Variants in CTNNA3 observed in about 807,000 individuals in gnomAD.
CTNNA3 encodes catenin alpha-3.
In CTNNA3, 76 loss-of-function variants were observed where a neutral mutation model predicts 95.7. The ratio of observed to expected loss-of-function variants is 0.79; its 90% CI spans 0.66 to 0.96. The LOEUF is 0.96. Among genes scored for constraint, CTNNA3 ranks in the 40% least tolerant of loss-of-function variants. The probability of loss-of-function intolerance (pLI) is 0.00; values close to 1 mark genes in which losing one functional copy is unlikely to be tolerated. For missense variants in CTNNA3, 1,191 were observed against 1,089.8 expected (o/e 1.09, Z -1.31); for synonymous variants, 431 against 374.4 (o/e 1.15, Z -1.74).
rs373621986 is a variant in CTNNA3, at chr10:66,476,082, A to C, written c.1531+44535T>G. ...TTGCTGGGACATGGATGGAGCTGGA[A>C]GCCATCATCCTTAGTAAACCAAGGC... On this transcript the variant is annotated intron_variant, in intron 11 of 17. Coordinates refer to ENST00000433211, the MANE Select transcript of CTNNA3 (RefSeq NM_013266.4). 3.2e-4 allele frequency among the ~76,000 whole-genome samples: 48 copies of C among 152,250 alleles called. No individual in the cohort carries two copies. In the East Asian group the frequency reaches 8.9e-3, roughly 28 times the overall value.
At chr10:66,963,747 T>A (rs1849249800) in intron 7 of CTNNA3, among the ~76,000 whole-genome samples, 1 of 152,014 alleles carries the variant, frequency 6.6e-6, no homozygotes, top group African/African-American at 2.4e-5. Context: ...GACATTATCA[T>A]CTGAAATGGA....
At chr10:66,879,668 A>G (rs569625575) in intron 7 of CTNNA3, among the ~76,000 whole-genome samples, 1 of 152,114 alleles carries the variant, frequency 6.6e-6, no homozygotes, top group African/African-American at 2.4e-5. Flanking sequence ...TGACACAAAT[A>G]ATAGATAGAA....
At chr10:67,034,830 C>T (rs1200874095) in intron 7 of CTNNA3, among the ~76,000 whole-genome samples, 1 of 152,180 alleles carries the variant, frequency 6.6e-6, no homozygotes, top group Non-Finnish European at 1.5e-5. Context: ...CTACCATTTG[C>T]TTCAGATGCA....
At chr10:66,576,303 C>T (rs2132179610) in intron 10 of CTNNA3, among the ~76,000 whole-genome samples, 1 of 152,120 alleles carries the variant, frequency 6.6e-6, no homozygotes, top group African/African-American at 2.4e-5. Flanking sequence ...AACATCCCAG[C>T]TGGTTTTTTA....
chr10:67,394,285 T>C (rs1461985230), intron 5 of CTNNA3, among the ~76,000 whole-genome samples: 5 of 148,402 alleles, frequency 3.4e-5, no homozygotes, highest in Admixed American at 6.8e-5. Context: ...GGAGCATGAA[T>C]AGAAGAATGA....
chr10:67,172,285 C>T (rs1038661786), intron 7 of CTNNA3, among the ~76,000 whole-genome samples: 3 of 152,200 alleles, frequency 2.0e-5, no homozygotes, highest in African/African-American at 7.2e-5. Context: ...ATTTCACGTA[C>T]TTGTCTGTTT....
intron 7 of CTNNA3, among the ~76,000 whole-genome samples, chr10:66,931,192 T>TAAAAAA (rs3056552): frequency 9.3e-5 from 11 of 118,660 alleles, no homozygotes; most frequent in East Asian, 2.5e-4. Context: ...TGACAACAGT[T>TAAAAAA]AAAAAAAAAA....
intron 6 of CTNNA3, among the ~76,000 whole-genome samples, chr10:67,189,296 G>A (rs1279142105): frequency 1.3e-5 from 2 of 152,132 alleles, no homozygotes; most frequent in Non-Finnish European, 2.9e-5. Flanking sequence ...ACACAGAGTG[G>A]AGTGGTGGTT....
intron 12 of CTNNA3, among the ~76,000 whole-genome samples, chr10:66,360,829 C>CT (rs775094247): frequency 1.4e-4 from 10 of 71,808 alleles, no homozygotes; most frequent in African/African-American, 7.1e-4. Flanking sequence ...TTCTTTCTTT[C>CT]TTTCTTTCTT....
In CTNNA3 at chr10:66,467,584, T is replaced by C. The variant is rs375687430; in HGVS notation, c.1531+53033A>G. ...AGAGAGGAGACCATGCCCAGGTTCT[T>C]AGGGAGAGGCACAAAATAAGGCAAC... On this transcript the variant is annotated intron_variant, in intron 11 of 17. Transcript: ENST00000433211. Among the ~76,000 whole-genome samples, 59 of 152,120 alleles carry C rather than the reference T, an allele frequency of 3.9e-4. 1 individual carries two copies. In the South Asian group the frequency reaches 0.012, roughly 31 times the overall value.
intron 13 of CTNNA3, among the ~76,000 whole-genome samples, chr10:66,134,356 T>G (rs907617968): frequency 6.6e-6 from 1 of 152,164 alleles, no homozygotes; most frequent in Non-Finnish European, 1.5e-5. Flanking sequence ...TTTTCTAAGA[T>G]ACAAATCAAT....
chr10:67,079,716 C>T (rs994058596), intron 7 of CTNNA3, among the ~76,000 whole-genome samples: 4 of 151,920 alleles, frequency 2.6e-5, no homozygotes, highest in Non-Finnish European at 5.9e-5. Context: ...GGCGTGGTGG[C>T]GGGCACCTGT....
chr10:66,571,807 T>C (rs1222760935), intron 10 of CTNNA3, among the ~76,000 whole-genome samples: 2 of 152,090 alleles, frequency 1.3e-5, no homozygotes, highest in Non-Finnish European at 2.9e-5. Context: ...TGCAGTTAAA[T>C]AAGATAAATC....
chr10:67,703,184 T>A (rs556979729), intron 1 of CTNNA3, among the ~76,000 whole-genome samples: 12 of 152,336 alleles, frequency 7.9e-5, no homozygotes, highest in Non-Finnish European at 1.5e-4. Flanking sequence ...CACAGCCGAA[T>A]TCTACCAGAG....
At chr10:66,190,732 T>C (rs1046912415) in intron 13 of CTNNA3, among the ~76,000 whole-genome samples, 4 of 152,120 alleles carry the variant, frequency 2.6e-5, no homozygotes, top group African/African-American at 9.7e-5. Flanking sequence ...TTACACAGGA[T>C]TTGATTCTGA....
At chr10:66,104,485 T>G (rs2133750650) in intron 13 of CTNNA3, among the ~76,000 whole-genome samples, 2 of 152,236 alleles carry the variant, frequency 1.3e-5, no homozygotes, top group Non-Finnish European at 2.9e-5. Context: ...ACAAGTGGGT[T>G]TTGGTTACAC....
chr10:67,280,324 T>A (rs989827651), intron 5 of CTNNA3, among the ~76,000 whole-genome samples: 2 of 150,440 alleles, frequency 1.3e-5, no homozygotes, highest in African/African-American at 4.9e-5. Flanking sequence ...AAATAGTGTC[T>A]GTCTCTAAAG....
chr10:67,731,113 A>C (rs1457622141), intron 1 of CTNNA3, among the ~76,000 whole-genome samples: 1 of 152,240 alleles, frequency 6.6e-6, no homozygotes, highest in Non-Finnish European at 1.5e-5. Context: ...TATTATTTAG[A>C]AAAATAGAAG....
At chr10:67,411,810 C>T (rs1564632812) in intron 5 of CTNNA3, among the ~76,000 whole-genome samples, 1 of 152,024 alleles carries the variant, frequency 6.6e-6, no homozygotes, top group Non-Finnish European at 1.5e-5. Flanking sequence ...ACTTAGAGCT[C>T]CATATCTGAG....
Sources: gnomAD v4.1 joint callset for allele counts (sites outside exome capture counted in the v4.1 genomes callset) on GRCh38, gnomAD v4.1.1 for gene constraint, MANE v1.5 for transcripts, NCBI Gene and HGNC (gene_info 2026-07-23, HGNC 2026-07-21) for gene names.